The following ADGRB3 variants were observed in gnomAD, a reference collection of about 807,000 sequenced individuals.
The protein encoded by ADGRB3 is adhesion G protein-coupled receptor B3, also known as brain-specific angiogenesis inhibitor 3.
ADGRB3 carries 37 observed loss-of-function variants against 193.4 expected under a neutral mutation model. The ratio of observed to expected loss-of-function variants is 0.19; its 90% confidence interval spans 0.15 to 0.25. The LOEUF (loss-of-function observed/expected upper bound fraction) is 0.25. ADGRB3 is among the 10% of genes least tolerant of loss of function. ADGRB3 has a pLI of 1.00. For synonymous variants in ADGRB3, 690 were observed against 644.2 expected (o/e 1.07, Z -1.08); for missense variants, 1,637 against 1,852.9 (o/e 0.88, Z 2.14).
intron 20 of ADGRB3, among the ~76,000 whole-genome samples, chr6:69,304,665 T>C (rs1210466524): frequency 6.6e-6 from 1 of 151,640 alleles, no homozygotes; most frequent in African/African-American, 2.4e-5. Flanking sequence ...CCATATTGTA[T>C]GCAGTAGTTA....
At position 69,280,419 on chromosome 6, in the gene ADGRB3, C is replaced by T. The variant is rs187608829; in HGVS notation, c.2814+41193C>T. On this transcript the variant is annotated intron_variant, in intron 20 of 31. Coordinates refer to ENST00000370598, the MANE Select transcript of ADGRB3 (RefSeq NM_001704.3). ...ATTATATTGTGGTTGAAAGCAAAGA[C>T]ACCAGCCTAAGACTGCCGAGTTTTG... Among the ~76,000 whole-genome samples the T allele has an allele frequency of 1.8e-4, 28 of 152,288 alleles. No individual in the cohort carries two copies. In the East Asian group the frequency reaches 5.0e-3, roughly 27 times the overall value.
At chr6:68,695,861 A>G (rs534359043) in intron 3 of ADGRB3, among the ~76,000 whole-genome samples, 10 of 152,074 alleles carry the variant, frequency 6.6e-5, no homozygotes, top group African/African-American at 2.4e-4. Flanking sequence ...GACCCTACAG[A>G]GGTAAAATAA....
chr6:69,029,829 A>G (rs1269536820), intron 13 of ADGRB3, among the ~76,000 whole-genome samples: 3 of 152,058 alleles, frequency 2.0e-5, no homozygotes, highest in Non-Finnish European at 4.4e-5. Context: ...AGTTTCTTAC[A>G]TGTTAACACA....
intron 17 of ADGRB3, among the ~76,000 whole-genome samples, chr6:69,197,296 G>A (rs1023165978): frequency 1.3e-5 from 2 of 151,906 alleles, no homozygotes; most frequent in Non-Finnish European, 2.9e-5. Context: ...TTTTACAAAT[G>A]TATGTATTTT....
chr6:68,921,990 A>G (rs1767056454), intron 3 of ADGRB3, among the ~76,000 whole-genome samples: 1 of 152,206 alleles, frequency 6.6e-6, no homozygotes, highest in Non-Finnish European at 1.5e-5. Context: ...TTGGTTTTAT[A>G]TGAAGTACTC....
intron 3 of ADGRB3, among the ~76,000 whole-genome samples, chr6:68,711,199 T>G (rs1466795807): frequency 6.6e-6 from 1 of 152,134 alleles, no homozygotes; most frequent in Admixed American, 6.6e-5. Context: ...ACCTTATTTC[T>G]TTTCTCCTAC....
intron 8 of ADGRB3, among the ~76,000 whole-genome samples, chr6:68,965,339 C>T (rs182897020): frequency 9.9e-5 from 15 of 152,174 alleles, no homozygotes; most frequent in African/African-American, 3.1e-4. Context: ...ACACTGGATC[C>T]GTCTTATTTT....
chr6:68,883,804 A>G (rs1021890426), intron 3 of ADGRB3, among the ~76,000 whole-genome samples: 2 of 151,918 alleles, frequency 1.3e-5, no homozygotes, highest in Non-Finnish European at 2.9e-5. Context: ...CTGCGGCTTC[A>G]TTCTTGAAGT....
intron 17 of ADGRB3, among the ~76,000 whole-genome samples, chr6:69,137,991 G>A (rs1774205430): frequency 6.6e-6 from 1 of 152,144 alleles, no homozygotes; most frequent in African/African-American, 2.4e-5. Context: ...TTGCCTTGGG[G>A]TCAGGCCCAT....
chr6:69,252,332 T>G (rs1024215096), intron 20 of ADGRB3, among the ~76,000 whole-genome samples: 1 of 152,178 alleles, frequency 6.6e-6, no homozygotes, highest in Non-Finnish European at 1.5e-5. Context: ...TGTTTTTAGT[T>G]TTTTGTTACT....
At chr6:69,099,195 C>G (rs1324699361) in intron 17 of ADGRB3, among the ~76,000 whole-genome samples, 3 of 152,166 alleles carry the variant, frequency 2.0e-5, no homozygotes, top group Non-Finnish European at 4.4e-5. Context: ...AATGTGTGGT[C>G]CAATTCCCCC....
chr6:68,685,645 G>A (rs551704732), intron 3 of ADGRB3, among the ~76,000 whole-genome samples: 8 of 152,032 alleles, frequency 5.3e-5, no homozygotes, highest in Admixed American at 3.3e-4. Flanking sequence ...TTGGGAGGCC[G>A]AGGCAGGTAG....
At chr6:68,915,722 A>G (rs1562084646) in intron 3 of ADGRB3, among the ~76,000 whole-genome samples, 1 of 152,124 alleles carries the variant, frequency 6.6e-6, no homozygotes, top group African/African-American at 2.4e-5. Flanking sequence ...CCTGGGAAAC[A>G]GTGAGAAGAA....
At chr6:69,212,764 T>G (rs1483382453) in intron 17 of ADGRB3, among the ~76,000 whole-genome samples, 1 of 152,190 alleles carries the variant, frequency 6.6e-6, no homozygotes, top group Non-Finnish European at 1.5e-5. Flanking sequence ...TAGTGTTTGA[T>G]TAAGGGTCTT....
intron 3 of ADGRB3, among the ~76,000 whole-genome samples, chr6:68,776,900 A>T (rs1766758388): frequency 6.6e-6 from 1 of 152,142 alleles, no homozygotes; most frequent in South Asian, 2.1e-4. Flanking sequence ...AATTCACCTT[A>T]GTAGAATAAT....
intron 24 of ADGRB3, among the ~76,000 whole-genome samples, chr6:69,335,026 G>A (rs952036960): frequency 1.3e-5 from 2 of 151,906 alleles, no homozygotes; most frequent in Non-Finnish European, 2.9e-5. Flanking sequence ...TGTTTTTGAA[G>A]GTCTCTAACT....
At chr6:69,024,679 A>T (rs1257622341) in intron 13 of ADGRB3, among the ~76,000 whole-genome samples, 1 of 152,254 alleles carries the variant, frequency 6.6e-6, no homozygotes, top group Non-Finnish European at 1.5e-5. Flanking sequence ...ACAAGAATCT[A>T]AAACATATCA....
intron 20 of ADGRB3, among the ~76,000 whole-genome samples, chr6:69,275,110 G>A (rs917322435): frequency 1.1e-4 from 17 of 152,110 alleles, no homozygotes; most frequent in Non-Finnish European, 5.9e-5. Context: ...TTAATATCCC[G>A]TGCCTCTAGT....
intron 3 of ADGRB3, among the ~76,000 whole-genome samples, chr6:68,812,742 T>G (rs190809303): frequency 0.014 from 2,093 of 151,532 alleles, 43 homozygotes; most frequent in African/African-American, 0.046. Flanking sequence ...TGTTACATAG[T>G]TATACACGTG....
Sources: gnomAD v4.1 joint callset for allele counts (sites outside exome capture counted in the v4.1 genomes callset) on GRCh38, gnomAD v4.1.1 for gene constraint, MANE v1.5 for transcripts, NCBI Gene and HGNC (gene_info 2026-07-23, HGNC 2026-07-21) for gene names.